The following PREX1 variants were observed in gnomAD, a reference collection of about 807,000 sequenced individuals.
The protein encoded by PREX1 is phosphatidylinositol-3,4,5-trisphosphate dependent Rac exchange factor 1, also known as phosphatidylinositol 3,4,5-trisphosphate-dependent Rac exchanger 1 protein.
A neutral mutation model predicts 198.3 loss-of-function variants in PREX1; 41 were observed. The ratio of observed to expected loss-of-function variants is 0.21; its 90% CI spans 0.16 to 0.27. The LOEUF (loss-of-function observed/expected upper bound fraction) is 0.27, where lower values mean the gene tolerates loss of function less well. Among genes scored for constraint, PREX1 ranks in the 10% least tolerant of loss-of-function variants. The pLI is 1.00. For synonymous variants in PREX1, 843 were observed against 887.2 expected, an observed-to-expected ratio of 0.95 and a Z score of 0.89; for missense variants, 1,620 against 2,200.7, an observed-to-expected ratio of 0.74 and a Z score of 5.28.
chr20:48,740,697 C>T (rs1014595248), intron 3 of PREX1, among the ~76,000 whole-genome samples: 24 of 152,232 alleles, frequency 1.6e-4, no homozygotes, highest in Admixed American at 5.9e-4. Flanking sequence ...CAGGAAGAGG[C>T]GTGATAATTT....
intron 1 of PREX1, among the ~76,000 whole-genome samples, chr20:48,756,519 C>T (rs532156913): frequency 1.2e-4 from 18 of 152,062 alleles, no homozygotes; most frequent in Admixed American, 1.2e-3. Flanking sequence ...TCCCATGGCA[C>T]ATTTACAAAG....
rs573918801 is a variant in PREX1 at position 48,639,401 on chromosome 20, G to A, written c.3904+365C>T. ...GAATCTGGTCAGTGGGCTGCCAGCC[G>A]GTGTCCCTCATACCCTGATAATAAC... On this transcript the variant is annotated intron_variant, in intron 30 of 39. Coordinates refer to ENST00000371941, the MANE Select transcript of PREX1 (RefSeq NM_020820.4). Among the ~76,000 whole-genome samples, 15 of 152,284 alleles carry A rather than the reference G, an allele frequency of 9.9e-5. No individual in the cohort carries two copies. In the South Asian group the frequency reaches 1.9e-3, roughly 19 times the overall value.
rs572708440 is a variant in PREX1 at position 48,762,297 on chromosome 20, G to A, written c.220-14417C>T. 5.3e-5 allele frequency among the ~76,000 whole-genome samples: 8 copies of A among 152,286 alleles called. No individual in the cohort carries two copies. The East Asian group carries it at 1.5e-3, about 29-fold the overall frequency. On this transcript the variant is annotated intron_variant, in intron 1 of 39. Transcript: ENST00000371941. The stretch of plus-strand genomic sequence containing the variant: ...TTTTTCCTGAAAAATGGGCTCATCA[G>A]AGTGGGATTCTAGCAGAGATTCTCA...
At chr20:48,871,874 C>G in the PREX1 span, among the ~76,000 whole-genome samples, 1 of 151,402 alleles carries the variant, frequency 6.6e-6, no homozygotes, top group Non-Finnish European at 1.5e-5. Flanking sequence ...ATTCAGGGCA[C>G]CTCGGCCGGG....
In PREX1 at chr20:48,636,544, G is replaced by A. The variant is rs543805792; in HGVS notation, c.4086C>T (p.Asp1362=). ...CCTGCTCCAGCCACTTGCGGCTGGC[G>A]TCGCGGCTGCTCTCCTCGTACTCGC... ...NNGEYEESSR[D]ASRKWLEQVA... The change falls in exon 32 of 40, where the codon GAC becomes GAT. Residue 1362 remains aspartate, a synonymous_variant. Transcript: ENST00000371941. 9.8e-5 allele frequency: 158 copies of A among 1,611,464 alleles called. 2 individuals carry two copies. The East Asian group carries it at 3.1e-3, about 31-fold the overall frequency.
At chr20:48,651,166 G>T in intron 22 of PREX1, 111 bp from the exon 23 acceptor site, 1 of 1,393,600 alleles carries the variant, frequency 7.2e-7, no homozygotes. Context: ...GAAGTCAGGT[G>T]TGTTGCTGGC....
At chr20:48,755,008 A>G (rs903412736) in intron 1 of PREX1, among the ~76,000 whole-genome samples, 1 of 152,184 alleles carries the variant, frequency 6.6e-6, no homozygotes, top group African/African-American at 2.4e-5. Flanking sequence ...CCTACAGGGG[A>G]AAATAAATCT....
intron 16 of PREX1, 41 bp downstream of exon 16, chr20:48,659,878 G>A: frequency 1.2e-6 from 2 of 1,612,222 alleles, no homozygotes; most frequent in South Asian, 1.1e-5. Flanking sequence ...CCTGCAGGGG[G>A]CTCTGGCAAG....
upstream of PREX1, among the ~76,000 whole-genome samples, chr20:48,830,184 C>G (rs1306090053): frequency 6.6e-6 from 1 of 152,070 alleles, no homozygotes; most frequent in East Asian, 1.9e-4. Context: ...GGCAACATAG[C>G]AAGACCCTGT....
At chr20:48,872,467 G>A in the PREX1 span, among the ~76,000 whole-genome samples, 4 of 152,136 alleles carry the variant, frequency 2.6e-5, no homozygotes, top group Non-Finnish European at 5.9e-5. Flanking sequence ...TAAGTGGCCG[G>A]GATCGGCAGC....
chr20:48,652,773 G>A, intron 20 of PREX1, 67 bp from the exon 21 acceptor site: 1 of 1,519,006 alleles, frequency 6.6e-7, no homozygotes, highest in Non-Finnish European at 8.9e-7. Context: ...ACAGGGCCGA[G>A]GTGTGAACTG....
chr20:48,765,710 A>G (rs1372020573), intron 1 of PREX1, among the ~76,000 whole-genome samples: 1 of 152,210 alleles, frequency 6.6e-6, no homozygotes, highest in African/African-American at 2.4e-5. Flanking sequence ...CTGCTTCTTC[A>G]GTTCAAAAAT....
chr20:48,818,519 C>T (rs752420), intron 1 of PREX1, among the ~76,000 whole-genome samples: 47,210 of 152,070 alleles, frequency 0.31, 7,533 homozygotes, highest in Non-Finnish European at 0.33. Flanking sequence ...GAACAGAATG[C>T]GGGAGGCCAG....
intron 27 of PREX1, among the ~76,000 whole-genome samples, chr20:48,643,686 T>C (rs2089430823): frequency 6.6e-6 from 1 of 151,918 alleles, no homozygotes; most frequent in Non-Finnish European, 1.5e-5. Context: ...TGTTTGCTTG[T>C]TTCTTGAGAT....
chr20:48,796,860 C>A (rs1010054162), intron 1 of PREX1, among the ~76,000 whole-genome samples: 1 of 151,480 alleles, frequency 6.6e-6, no homozygotes, highest in African/African-American at 2.4e-5. Flanking sequence ...AGATCATATA[C>A]TATATAATTC....
chr20:48,675,428 T>C (rs1348279662), intron 14 of PREX1, among the ~76,000 whole-genome samples: 2 of 152,232 alleles, frequency 1.3e-5, no homozygotes, highest in African/African-American at 4.8e-5. Flanking sequence ...CAATGGAATA[T>C]TATTCAACCT....
chr20:48,627,502 G>A (rs530423352), intron 39 of PREX1, 46 bp downstream of exon 39: 16 of 1,604,588 alleles, frequency 1.0e-5, no homozygotes, highest in Admixed American at 6.7e-5. Flanking sequence ...GGCCTGGGTC[G>A]CCAGCTGGGA....
At chr20:48,635,047 G>A (rs977210894) in intron 32 of PREX1, among the ~76,000 whole-genome samples, 2 of 152,136 alleles carry the variant, frequency 1.3e-5, no homozygotes, top group Non-Finnish European at 2.9e-5. Flanking sequence ...CACCAACCAG[G>A]CTTCTAACTT....
chr20:48,815,929 G>A (rs890727698), intron 1 of PREX1, among the ~76,000 whole-genome samples: 3 of 150,866 alleles, frequency 2.0e-5, no homozygotes, highest in Non-Finnish European at 4.4e-5. Context: ...AGAATCGCTC[G>A]AACCTGGGAA....
Sources: gnomAD v4.1 joint callset for allele counts (sites outside exome capture counted in the v4.1 genomes callset) on GRCh38, gnomAD v4.1.1 for gene constraint, MANE v1.5 for transcripts, NCBI Gene and HGNC (gene_info 2026-07-23, HGNC 2026-07-21) for gene names.